Variants in FAF1 observed in about 807,000 individuals in gnomAD.
The protein encoded by FAF1 is Fas associated factor 1.
FAF1 carries 25 observed loss-of-function variants against 92.5 expected under a neutral mutation model. That is an observed-to-expected ratio of 0.27 (90% CI 0.20 to 0.38). FAF1 has a LOEUF of 0.38. FAF1 is among the 10% of genes least tolerant of loss of function. FAF1 has a pLI of 1.00. For missense variants in FAF1, 636 were observed against 793.3 expected (o/e 0.80, Z 2.38); for synonymous variants, 234 against 273.2 (o/e 0.86, Z 1.42).
rs114282766 is a variant in FAF1 at position 50,823,065 on chromosome 1, T to C, written c.115-21388A>G. 5.5e-3 allele frequency among the ~76,000 whole-genome samples: 835 copies of C among 152,214 alleles called. 5 individuals are homozygous for C. The highest frequency in any genetic ancestry group is 0.018 in the African/African-American group (764 of 41,518). ...TTGGGATTGCAGGCTTGAGGCACCG[T>C]GCCCGGCCAAGGCTAGCAGTTTTAA... is the stretch of plus-strand genomic sequence containing the variant. On this transcript the variant is annotated intron_variant, in intron 2 of 18. Transcript: ENST00000396153.
chr1:50,604,792 T>C (rs1652301894), intron 8 of FAF1, among the ~76,000 whole-genome samples: 1 of 152,214 alleles, frequency 6.6e-6, no homozygotes, highest in Non-Finnish European at 1.5e-5. Flanking sequence ...CTCAAAGTGC[T>C]GGGATTACAG....
intron 4 of FAF1, among the ~76,000 whole-genome samples, chr1:50,779,183 A>T (rs897561640): frequency 2.0e-5 from 3 of 152,104 alleles, no homozygotes; most frequent in Non-Finnish European, 2.9e-5. Context: ...TTCTTTTGCT[A>T]TTTCTACCAG....
chr1:50,797,542 T>A (rs1429294848), intron 3 of FAF1, among the ~76,000 whole-genome samples: 1 of 151,880 alleles, frequency 6.6e-6, no homozygotes, highest in Non-Finnish European at 1.5e-5. Context: ...CTACAAAGAA[T>A]ACAAAAATTA....
chr1:50,859,159 C>T (rs142150192), intron 1 of FAF1, among the ~76,000 whole-genome samples: 23 of 151,930 alleles, frequency 1.5e-4, no homozygotes, highest in African/African-American at 5.5e-4. Context: ...ACCTAATATA[C>T]TGAATGGCCA....
intron 1 of FAF1, among the ~76,000 whole-genome samples, chr1:50,882,929 A>G (rs1489686313): frequency 6.6e-6 from 1 of 151,576 alleles, no homozygotes; most frequent in African/African-American, 2.4e-5. Flanking sequence ...GGTTGTAGTA[A>G]GCCGAGATTG....
intron 1 of FAF1, among the ~76,000 whole-genome samples, chr1:50,956,969 T>C (rs1645272160): frequency 6.6e-6 from 1 of 152,046 alleles, no homozygotes; most frequent in South Asian, 2.1e-4. Flanking sequence ...AATAAGTAAA[T>C]AAATAAATTA....
intron 15 of FAF1, among the ~76,000 whole-genome samples, chr1:50,517,023 T>A (rs1647243339): frequency 6.6e-6 from 1 of 152,174 alleles, no homozygotes. Context: ...TATCTTTTCC[T>A]CAGGGTAAAT....
chr1:50,936,916 A>G (rs1645089487), intron 1 of FAF1, among the ~76,000 whole-genome samples: 1 of 152,174 alleles, frequency 6.6e-6, no homozygotes, highest in South Asian at 2.1e-4. Context: ...AACCTGAAAT[A>G]GGCTGAGAAG....
chr1:50,686,415 G>A (rs1268093749), intron 7 of FAF1, among the ~76,000 whole-genome samples: 2 of 152,062 alleles, frequency 1.3e-5, no homozygotes, highest in Non-Finnish European at 2.9e-5. Context: ...GGTGGCGAAT[G>A]CCTGTAATCC....
chr1:50,831,202 A>G (rs1419407593), intron 2 of FAF1, among the ~76,000 whole-genome samples: 1 of 152,316 alleles, frequency 6.6e-6, no homozygotes, highest in East Asian at 1.9e-4. Context: ...TTACACAGTA[A>G]TAGATCTTTA....
chr1:50,648,693 G>A (rs995313577), intron 8 of FAF1, among the ~76,000 whole-genome samples: 5 of 152,124 alleles, frequency 3.3e-5, no homozygotes. Context: ...TTGGGAAGCC[G>A]AGGTAGGCGG....
chr1:50,671,048 A>T (rs1056195113), intron 7 of FAF1, among the ~76,000 whole-genome samples: 1 of 152,236 alleles, frequency 6.6e-6, no homozygotes, highest in Non-Finnish European at 1.5e-5. Flanking sequence ...CTTATTTGAA[A>T]AAAAAGGAAA....
At chr1:50,762,622 A>C (rs1660374081) in intron 4 of FAF1, among the ~76,000 whole-genome samples, 1 of 152,228 alleles carries the variant, frequency 6.6e-6, no homozygotes, top group African/African-American at 2.4e-5. Flanking sequence ...GGTGCTGGGA[A>C]AACTGGCTAG....
chr1:50,920,900 C>G (rs1293577027), intron 1 of FAF1, among the ~76,000 whole-genome samples: 1 of 151,940 alleles, frequency 6.6e-6, no homozygotes, highest in African/African-American at 2.4e-5. Context: ...TATTCAACCT[C>G]TATTGTACTA....
intron 1 of FAF1, among the ~76,000 whole-genome samples, chr1:50,913,055 C>T (rs1217501895): frequency 6.6e-6 from 1 of 152,154 alleles, no homozygotes; most frequent in Non-Finnish European, 1.5e-5. Context: ...TAAAGCACCT[C>T]TAAAAACACT....
intron 12 of FAF1, among the ~76,000 whole-genome samples, chr1:50,580,521 T>C (rs932756814): frequency 2.0e-5 from 3 of 151,812 alleles, no homozygotes; most frequent in African/African-American, 4.8e-5. Context: ...TGTACTATAG[T>C]ACTTTTTCTG....
At chr1:50,481,927 A>G (rs1180439014) in intron 17 of FAF1, among the ~76,000 whole-genome samples, 1 of 152,170 alleles carries the variant, frequency 6.6e-6, no homozygotes, top group East Asian at 1.9e-4. Flanking sequence ...TTAAAGTTAC[A>G]GTGGAAACAA....
At chr1:50,718,808 G>C (rs1327539568) in intron 6 of FAF1, among the ~76,000 whole-genome samples, 1 of 151,744 alleles carries the variant, frequency 6.6e-6, no homozygotes, top group Non-Finnish European at 1.5e-5. Context: ...GGAATACTTT[G>C]TGATCTACAA....
chr1:50,848,220 G>A (rs553621122), intron 2 of FAF1, among the ~76,000 whole-genome samples: 1 of 152,204 alleles, frequency 6.6e-6, no homozygotes, highest in South Asian at 2.1e-4. Flanking sequence ...TGCTCAAACA[G>A]ATAACTGACT....
Sources: gnomAD v4.1 joint callset for allele counts (sites outside exome capture counted in the v4.1 genomes callset) on GRCh38, gnomAD v4.1.1 for gene constraint, MANE v1.5 for transcripts, NCBI Gene and HGNC (gene_info 2026-07-23, HGNC 2026-07-21) for gene names.